The following RSL24D1 variants were observed in gnomAD, a reference collection of about 807,000 sequenced individuals.
RSL24D1 encodes ribosomal L24 domain containing 1, also known as probable ribosome biogenesis protein RLP24.
In RSL24D1, 6 loss-of-function variants were observed where a neutral mutation model predicts 26.2. The ratio of observed to expected loss-of-function variants is 0.23; its 90% CI spans 0.13 to 0.45. RSL24D1 has a LOEUF of 0.45. RSL24D1 is among the 20% of genes least tolerant of loss of function. RSL24D1 has a pLI of 0.99. For missense variants in RSL24D1, 176 were observed against 202.6 expected (o/e 0.87, Z 0.80); for synonymous variants, 61 against 59.1 (o/e 1.03, Z -0.15).
intron 1 of RSL24D1, 81 bp from the exon 2 acceptor site, chr15:55,192,914 T>A: frequency 1.2e-6 from 1 of 832,638 alleles, no homozygotes; most frequent in Non-Finnish European, 2.0e-6. Context: ...AGACAAAAAA[T>A]ACTTTCCCTT....
chr15:55,185,643 T>C (rs571432507), intron 3 of RSL24D1, among the ~76,000 whole-genome samples: 12 of 152,314 alleles, frequency 7.9e-5, no homozygotes, highest in Admixed American at 7.2e-4. Flanking sequence ...TTTCTCTAAT[T>C]TTTATCTGAC....
At chr15:55,183,251 C>G (rs1431331060) in intron 5 of RSL24D1, 64 bp downstream of exon 5, 4 of 1,158,308 alleles carry the variant, frequency 3.5e-6, no homozygotes, top group Non-Finnish European at 5.0e-6. Context: ...GAAAAAATAC[C>G]CAAAGTTAGT....
intron 1 of RSL24D1, chr15:55,195,265 T>A (rs1411511720): frequency 6.6e-6 from 1 of 152,088 alleles, no homozygotes; most frequent in African/African-American, 2.4e-5. Flanking sequence ...AGATCTGAGG[T>A]ACTAAGGAAT....
intron 2 of RSL24D1, 24 bp downstream of exon 2, chr15:55,192,696 A>T: frequency 1.3e-6 from 2 of 1,521,770 alleles, no homozygotes; most frequent in Non-Finnish European, 1.8e-6. Flanking sequence ...TGTAAAAACT[A>T]TATTGATAGC....
At chr15:55,192,565 G>A (rs985557219) in intron 2 of RSL24D1, 155 bp downstream of exon 2, 3 of 513,650 alleles carry the variant, frequency 5.8e-6, no homozygotes, top group Non-Finnish European at 1.1e-5. Context: ...TAAGGATCAT[G>A]TGAGAATGAG....
intron 1 of RSL24D1, 60 bp downstream of exon 1, chr15:55,196,750 C>T (rs1894363437): frequency 6.5e-7 from 1 of 1,549,072 alleles, no homozygotes; most frequent in South Asian, 1.1e-5. Context: ...AGCACCGAGC[C>T]GCCGCGCCCA....
At chr15:55,193,505 C>T (rs1894321887) in intron 1 of RSL24D1, among the ~76,000 whole-genome samples, 2 of 151,868 alleles carry the variant, frequency 1.3e-5, no homozygotes, top group South Asian at 4.2e-4. Flanking sequence ...TTGTGTATGC[C>T]CTGGAGGAAA....
In RSL24D1 at chr15:55,196,793, G is replaced by A; in HGVS notation, c.81+17C>T. 6.2e-7 allele frequency: 1 copy of A among 1,613,530 alleles called. No homozygotes were observed. Among genetic ancestry groups the A allele is most frequent in the Non-Finnish European group, 8.5e-7 (1 of 1,179,470 alleles). The stretch of plus-strand genomic sequence containing the variant: ...CGGGAGCTAGGCTGAAGCAAGAACT[G>A]GTGTCGACCGCCTTACCTTGCAATC... On this transcript the variant is annotated intron_variant, in intron 1 of 5. Transcript: ENST00000260443.
At chr15:55,192,481 A>C in intron 2 of RSL24D1, 1 of 359,632 alleles carries the variant, frequency 2.8e-6, no homozygotes, top group East Asian at 4.5e-5. Context: ...TCCCAACTTC[A>C]TCCCAAGCCA....
chr15:55,190,911 A>G, intron 3 of RSL24D1, 64 bp downstream of exon 3: 3 of 1,039,868 alleles, frequency 2.9e-6, no homozygotes, highest in Non-Finnish European at 4.4e-6. Flanking sequence ...ACTGACACTT[A>G]AAGTTATAGT....
At chr15:55,189,010 G>A (rs1894260412) in intron 3 of RSL24D1, among the ~76,000 whole-genome samples, 2 of 152,066 alleles carry the variant, frequency 1.3e-5, no homozygotes, top group South Asian at 4.1e-4. Flanking sequence ...TGGGCAACAT[G>A]GTGAAACCCC....
intron 1 of RSL24D1, 100 bp downstream of exon 1, chr15:55,196,710 G>T: frequency 8.7e-7 from 1 of 1,147,396 alleles, no homozygotes; most frequent in South Asian, 1.3e-5. Flanking sequence ...GGAGGAACCC[G>T]GGCCAAACAC....
rs73407829 is a variant in RSL24D1 at position 55,185,943 on chromosome 15, T to C, written c.269-518A>G. Among the ~76,000 whole-genome samples, 486 of 152,298 alleles carry C rather than the reference T, an allele frequency of 3.2e-3. 2 individuals carry two copies. The highest frequency in any genetic ancestry group is 0.011 in the African/African-American group (445 of 41,582). ...ACAGGAGTGTTGGCTAAAAGGGGGC[T>C]GAGTCCAACTATGCTCTAAAATTTC... On this transcript the variant is annotated intron_variant, in intron 3 of 5. Transcript: ENST00000260443.
At chr15:55,192,920 C>A in intron 1 of RSL24D1, 87 bp from the exon 2 acceptor site, 2 of 790,534 alleles carry the variant, frequency 2.5e-6, no homozygotes, top group East Asian at 2.5e-5. Flanking sequence ...AAAATACTTT[C>A]CCTTCTACTT....
At chr15:55,184,874 G>A (rs28706531) in intron 4 of RSL24D1, among the ~76,000 whole-genome samples, 41,046 of 151,886 alleles carry the variant, frequency 0.27, 7,170 homozygotes, top group African/African-American at 0.5. Flanking sequence ...ATTGAAGAAC[G>A]TTCTATACAA....
intron 1 of RSL24D1, among the ~76,000 whole-genome samples, chr15:55,193,175 T>G (rs1894317648): frequency 6.6e-6 from 1 of 152,314 alleles, no homozygotes; most frequent in South Asian, 2.1e-4. Flanking sequence ...TATACCTCAA[T>G]GGGGATAAAA....
chr15:55,182,992 A>G (rs1489192642), intron 5 of RSL24D1, among the ~76,000 whole-genome samples: 2 of 152,190 alleles, frequency 1.3e-5, no homozygotes, highest in African/African-American at 4.8e-5. Context: ...GATACCAACC[A>G]AAGTTTGAGA....
intron 3 of RSL24D1, among the ~76,000 whole-genome samples, chr15:55,185,884 A>G (rs1467084681): frequency 2.0e-5 from 3 of 152,186 alleles, no homozygotes; most frequent in Non-Finnish European, 4.4e-5. Flanking sequence ...CTAAGTTCTC[A>G]ACCACAAAAA....
At chr15:55,183,253 A>T in intron 5 of RSL24D1, 62 bp downstream of exon 5, 1 of 1,205,036 alleles carries the variant, frequency 8.3e-7, no homozygotes, top group South Asian at 1.4e-5. Flanking sequence ...AAAAATACCC[A>T]AAGTTAGTTG....
Sources: gnomAD v4.1 joint callset for allele counts (sites outside exome capture counted in the v4.1 genomes callset) on GRCh38, gnomAD v4.1.1 for gene constraint, MANE v1.5 for transcripts, NCBI Gene and HGNC (gene_info 2026-07-23, HGNC 2026-07-21) for gene names.